Variants in AUTS2 observed in about 807,000 individuals in gnomAD.
AUTS2 encodes autism susceptibility gene 2 protein.
Under a neutral mutation model 112.4 loss-of-function variants are expected in AUTS2, and 17 were observed. That is an observed-to-expected ratio of 0.15 (90% CI 0.10 to 0.23). The LOEUF (loss-of-function observed/expected upper bound fraction) is 0.23. Among genes scored for constraint, AUTS2 ranks in the 10% least tolerant of loss-of-function variants. The pLI is 1.00. For missense variants in AUTS2, 1,510 were observed against 1,701.6 expected (o/e 0.89, Z 1.98); for synonymous variants, 751 against 702.7 (o/e 1.07, Z -1.09).
chr7:70,147,462 T>A (rs1400907946), intron 4 of AUTS2, among the ~76,000 whole-genome samples: 1 of 152,014 alleles, frequency 6.6e-6, no homozygotes, highest in African/African-American at 2.4e-5. Flanking sequence ...TGTTAGAGAA[T>A]GTTTATTTTG....
chr7:70,213,431 T>C (rs1376656939), intron 4 of AUTS2, among the ~76,000 whole-genome samples: 1 of 147,422 alleles, frequency 6.8e-6, no homozygotes, highest in Non-Finnish European at 1.5e-5. Flanking sequence ...GGCATAGAGG[T>C]AGGAGGATCA....
chr7:70,728,425 G>T (rs1787157966), intron 6 of AUTS2, among the ~76,000 whole-genome samples: 1 of 152,034 alleles, frequency 6.6e-6, no homozygotes, highest in Non-Finnish European at 1.5e-5. Flanking sequence ...CCATCTGGAG[G>T]CCGGGCATGG....
Position 69,876,531 on chromosome 7 carries a change from TATATATATATATA to T in AUTS2, c.310-22754_310-22742del, listed in dbSNP as rs1360044006. Among the ~76,000 whole-genome samples the T allele has an allele frequency of 6.5e-4, 45 of 69,024 alleles. 2 individuals are homozygous for T. In the South Asian group the frequency reaches 0.013, roughly 20 times the overall value. 45.3% of individuals were successfully genotyped at this position (69,024 alleles called of 152,430 possible). ...ATATATATATATATATATATATATA[TATATATATATATA>T]TTTTCAGTGTTCATATAACAAATTT... On this transcript the variant is annotated intron_variant, in intron 1 of 18. Transcript: ENST00000342771.
At position 70,712,013 on chromosome 7, in the gene AUTS2, C is replaced by CT. The variant is rs1470402912; in HGVS notation, c.742+13397dup. Among the ~76,000 whole-genome samples the CT allele has an allele frequency of 3.1e-5, 4 of 127,714 alleles. No homozygotes were observed. In the East Asian group the frequency reaches 1.1e-3, roughly 34 times the overall value. 83.8% of individuals were successfully genotyped at this position (127,714 alleles called of 152,430 possible). On this transcript the variant is annotated intron_variant, in intron 6 of 18. Transcript: ENST00000342771. ...CATTTTCACTCTGTTCCCTCCACATCTTTTCTTCTTTTTCTTTCCTTTTTT... is the reference window on the plus strand; with the variant it reads ...CATTTTCACTCTGTTCCCTCCACATCTTTTTCTTCTTTTTCTTTCCTTTTTT...
At chr7:69,608,575 G>A (rs1189977277) in intron 1 of AUTS2, among the ~76,000 whole-genome samples, 1 of 152,148 alleles carries the variant, frequency 6.6e-6, no homozygotes, top group African/African-American at 2.4e-5. Context: ...ATGTTGTTTA[G>A]CGAAATATTC....
At chr7:70,706,885 TGC>T (rs1809769291) in intron 6 of AUTS2, among the ~76,000 whole-genome samples, 1 of 152,236 alleles carries the variant, frequency 6.6e-6, no homozygotes, top group African/African-American at 2.4e-5. Flanking sequence ...CAAAGTAGTA[TGC>T]GTTGTCATGG....
chr7:69,846,099 T>G (rs968424155), intron 1 of AUTS2, among the ~76,000 whole-genome samples: 1 of 62,388 alleles, frequency 1.6e-5, no homozygotes, highest in Non-Finnish European at 3.2e-5. Flanking sequence ...TTATTTGGGA[T>G]TTTTTTTTTT....
At chr7:70,004,547 C>T (rs1799453756) in intron 2 of AUTS2, among the ~76,000 whole-genome samples, 1 of 150,056 alleles carries the variant, frequency 6.7e-6, no homozygotes, top group African/African-American at 2.4e-5. Context: ...TTAAGGGATG[C>T]AAAATTGATT....
chr7:70,234,565 A>G (rs1812223371), intron 4 of AUTS2, among the ~76,000 whole-genome samples: 1 of 152,080 alleles, frequency 6.6e-6, no homozygotes, highest in Non-Finnish European at 1.5e-5. Context: ...TCCTTGGTTT[A>G]CAGATGAGGA....
intron 1 of AUTS2, among the ~76,000 whole-genome samples, chr7:69,602,685 C>T (rs1039020141): frequency 2.6e-5 from 4 of 152,180 alleles, no homozygotes; most frequent in African/African-American, 9.7e-5. Flanking sequence ...GAATGTATAA[C>T]AGTTCACTAA....
At chr7:70,218,533 C>T (rs1252613603) in intron 4 of AUTS2, among the ~76,000 whole-genome samples, 2 of 152,160 alleles carry the variant, frequency 1.3e-5, no homozygotes, top group Non-Finnish European at 2.9e-5. Flanking sequence ...CACATTTCCA[C>T]TTCCTGTGTT....
rs575404336 is a variant in AUTS2, at chr7:70,166,309, T to C, written c.660+31738T>C. Among the ~76,000 whole-genome samples the C allele has an allele frequency of 4.6e-5, 7 of 152,292 alleles. No homozygotes were observed. In the South Asian group the frequency reaches 1.4e-3, roughly 32 times the overall value. On this transcript the variant is annotated intron_variant, in intron 4 of 18. Coordinates refer to ENST00000342771, the MANE Select transcript of AUTS2 (RefSeq NM_015570.4). Reference sequence around the variant, plus strand: ...ATTTTTTTAAATATAGAATAATTAATGCATATGCAACAAAGAGCATATATG... The same window carrying C: ...ATTTTTTTAAATATAGAATAATTAACGCATATGCAACAAAGAGCATATATG...
intron 1 of AUTS2, among the ~76,000 whole-genome samples, chr7:69,728,175 G>A (rs569374097): frequency 6.6e-6 from 1 of 152,310 alleles, no homozygotes; most frequent in South Asian, 2.1e-4. Flanking sequence ...AGAAGGAGCA[G>A]GAGTGAGAAG....
At chr7:70,098,063 C>G (rs1437894433) in intron 2 of AUTS2, among the ~76,000 whole-genome samples, 3 of 151,788 alleles carry the variant, frequency 2.0e-5, no homozygotes, top group Non-Finnish European at 4.4e-5. Context: ...GGTAAGCTCC[C>G]ATTAAAAGAA....
At chr7:70,190,976 G>A (rs777579013) in intron 4 of AUTS2, among the ~76,000 whole-genome samples, 2 of 151,904 alleles carry the variant, frequency 1.3e-5, no homozygotes, top group Non-Finnish European at 2.9e-5. Flanking sequence ...TAAAAATACT[G>A]TAGGTAATAG....
chr7:70,066,774 A>G (rs1204573677), intron 2 of AUTS2, among the ~76,000 whole-genome samples: 1 of 152,182 alleles, frequency 6.6e-6, no homozygotes, highest in Non-Finnish European at 1.5e-5. Flanking sequence ...TCCTGACCTC[A>G]GGTGATCTGC....
chr7:70,699,593 G>A (rs1809332682), intron 6 of AUTS2: 1 of 152,160 alleles, frequency 6.6e-6, no homozygotes, highest in African/African-American at 2.4e-5. Context: ...TGAACCAATT[G>A]CAATTTTAAA....
At chr7:70,351,342 C>A (rs956327881) in intron 4 of AUTS2, among the ~76,000 whole-genome samples, 7 of 152,142 alleles carry the variant, frequency 4.6e-5, no homozygotes, top group Admixed American at 4.6e-4. Context: ...GCGTGAGGCA[C>A]CGCGCCCAGC....
chr7:69,784,266 C>T (rs1379220829), intron 1 of AUTS2, among the ~76,000 whole-genome samples: 1 of 152,180 alleles, frequency 6.6e-6, no homozygotes, highest in African/African-American at 2.4e-5. Context: ...AGTCAGTACC[C>T]AGTTGCCACT....
Sources: gnomAD v4.1 joint callset for allele counts (sites outside exome capture counted in the v4.1 genomes callset) on GRCh38, gnomAD v4.1.1 for gene constraint, MANE v1.5 for transcripts, NCBI Gene and HGNC (gene_info 2026-07-23, HGNC 2026-07-21) for gene names.